CDH13: variants seen among roughly 807,000 people sequenced by gnomAD.
The protein encoded by CDH13 is cadherin-13.
CDH13 carries 24 observed loss-of-function variants against 63.8 expected under a neutral mutation model. The ratio of observed to expected loss-of-function variants is 0.38; its 90% confidence interval spans 0.27 to 0.53. The LOEUF is 0.53. CDH13 is among the 20% of genes least tolerant of loss of function. CDH13 has a pLI of 0.85. For missense variants in CDH13, 1,049 were observed against 903.1 expected, an observed-to-expected ratio of 1.16 and a Z score of -2.07; for synonymous variants, 503 against 355.3, an observed-to-expected ratio of 1.42 and a Z score of -4.67.
At chr16:83,478,089 G>C (rs2073654451) in intron 6 of CDH13, among the ~76,000 whole-genome samples, 1 of 151,706 alleles carries the variant, frequency 6.6e-6, no homozygotes, top group Non-Finnish European at 1.5e-5. Flanking sequence ...GAACCCAAGA[G>C]GCGGAGCTTG....
intron 4 of CDH13, among the ~76,000 whole-genome samples, chr16:83,181,464 C>G (rs1567484331): frequency 2.0e-5 from 3 of 152,228 alleles, no homozygotes; most frequent in African/African-American, 7.2e-5. Flanking sequence ...AAGTTGGAAG[C>G]TTCTCTAACC....
At chr16:83,051,355 A>G (rs991595909) in intron 3 of CDH13, among the ~76,000 whole-genome samples, 1 of 152,350 alleles carries the variant, frequency 6.6e-6, no homozygotes, top group Middle Eastern at 3.4e-3. Context: ...CAATAGGTTT[A>G]CAGGAATGAG....
At chr16:82,812,470 T>C (rs1481178761) in intron 1 of CDH13, among the ~76,000 whole-genome samples, 2 of 151,882 alleles carry the variant, frequency 1.3e-5, no homozygotes, top group Non-Finnish European at 2.9e-5. Flanking sequence ...GCCACAAAGA[T>C]AGGAGAAAAG....
chr16:83,144,052 G>A (rs1329258820), intron 4 of CDH13, among the ~76,000 whole-genome samples: 1 of 152,066 alleles, frequency 6.6e-6, no homozygotes, highest in Non-Finnish European at 1.5e-5. Flanking sequence ...ATGAGATAAG[G>A]CTAGTAACAC....
intron 5 of CDH13, among the ~76,000 whole-genome samples, chr16:83,309,734 A>G (rs980136344): frequency 2.0e-5 from 3 of 152,128 alleles, no homozygotes; most frequent in Non-Finnish European, 4.4e-5. Flanking sequence ...TACTCAGGGT[A>G]TGGAAGCACT....
At chr16:83,611,123 C>G (rs1353938466) in intron 8 of CDH13, among the ~76,000 whole-genome samples, 1 of 152,070 alleles carries the variant, frequency 6.6e-6, no homozygotes, top group Non-Finnish European at 1.5e-5. Flanking sequence ...AGTCTTTCAA[C>G]CATTTTTTAA....
chr16:83,121,520 G>A (rs1399851783), intron 3 of CDH13, among the ~76,000 whole-genome samples: 1 of 152,206 alleles, frequency 6.6e-6, no homozygotes, highest in South Asian at 2.1e-4. Context: ...GTAGTTTAGA[G>A]TAGTGATGGT....
chr16:83,303,361 T>C (rs2089795286), intron 5 of CDH13, among the ~76,000 whole-genome samples: 1 of 152,126 alleles, frequency 6.6e-6, no homozygotes, highest in Non-Finnish European at 1.5e-5. Flanking sequence ...CTTTCTTCAT[T>C]GGGGAATGAG....
At chr16:83,176,278 G>A (rs969358392) in intron 4 of CDH13, among the ~76,000 whole-genome samples, 2 of 152,020 alleles carry the variant, frequency 1.3e-5, no homozygotes, top group African/African-American at 4.8e-5. Flanking sequence ...TTGGGAGGCT[G>A]AGGCAGGCAG....
At chr16:83,432,473 G>T (rs1016261309) in intron 6 of CDH13, among the ~76,000 whole-genome samples, 2 of 152,158 alleles carry the variant, frequency 1.3e-5, no homozygotes, top group East Asian at 1.9e-4. Flanking sequence ...CTACTTCCAC[G>T]CTTGAGATGT....
chr16:83,141,382 A>G (rs1290602819), intron 4 of CDH13, among the ~76,000 whole-genome samples: 1 of 152,186 alleles, frequency 6.6e-6, no homozygotes, highest in Non-Finnish European at 1.5e-5. Flanking sequence ...GCCTCAGCAT[A>G]AGCTTGACAT....
chr16:83,146,319 T>A (rs575817759), intron 4 of CDH13, among the ~76,000 whole-genome samples: 31 of 152,206 alleles, frequency 2.0e-4, no homozygotes, highest in Non-Finnish European at 4.4e-4. Flanking sequence ...AGACATTATG[T>A]CTAGATAACT....
intron 6 of CDH13, among the ~76,000 whole-genome samples, chr16:83,456,464 C>G (rs187637769): frequency 6.6e-6 from 1 of 152,176 alleles, no homozygotes; most frequent in Non-Finnish European, 1.5e-5. Flanking sequence ...GACGTCATGA[C>G]AGTAGAATGC....
intron 1 of CDH13, among the ~76,000 whole-genome samples, chr16:82,774,632 T>G (rs1380693007): frequency 2.0e-5 from 3 of 152,250 alleles, no homozygotes; most frequent in Admixed American, 2.0e-4. Context: ...CATAACTTAA[T>G]TCTTACCATC....
chr16:83,454,801 G>A (rs964641819), intron 6 of CDH13, among the ~76,000 whole-genome samples: 6 of 152,048 alleles, frequency 3.9e-5, no homozygotes, highest in Non-Finnish European at 7.4e-5. Flanking sequence ...CCACCTCCCG[G>A]GTTCCAGCAA....
At chr16:83,627,049 A>C (rs1910371527) in intron 8 of CDH13, among the ~76,000 whole-genome samples, 1 of 151,994 alleles carries the variant, frequency 6.6e-6, no homozygotes. Flanking sequence ...TTGGGAGGCC[A>C]AGGCCGATGG....
At chr16:82,861,616 TGTTACTAATGGTCACCTCCACTCCTTTTA>T (rs2039949005) in intron 2 of CDH13, among the ~76,000 whole-genome samples, 1 of 152,230 alleles carries the variant, frequency 6.6e-6, no homozygotes, top group African/African-American at 2.4e-5. Context: ...CTACTTTAAC[TGTTACTAATGGTCACCTCCACTCCTTTTA>T]TTTCCCTAAT....
rs62040066 is a variant in CDH13 at position 83,417,945 on chromosome 16, C to G, written c.782-68532C>G. Among the ~76,000 whole-genome samples the G allele has an allele frequency of 8.9e-3, 1,348 of 152,186 alleles. 12 individuals are homozygous for G. The highest frequency in any genetic ancestry group is 0.014 in the Non-Finnish European group (937 of 67,990). ...TCCCCTCCCCAGCCTAGCATCCTCC[C>G]CACCCCCTTAACATGGAAAACTCCT... On this transcript the variant is annotated intron_variant, in intron 6 of 13. Coordinates refer to ENST00000567109, the MANE Select transcript of CDH13 (RefSeq NM_001257.5).
At chr16:83,624,974 C>G (rs1481950939) in intron 8 of CDH13, among the ~76,000 whole-genome samples, 1 of 152,156 alleles carries the variant, frequency 6.6e-6, no homozygotes, top group South Asian at 2.1e-4. Flanking sequence ...GCATGTCTTG[C>G]CGGTTCTGCA....
Sources: allele counts gnomAD v4.1 joint callset (sites outside exome capture counted in the v4.1 genomes callset), GRCh38; gene constraint gnomAD v4.1.1; transcripts MANE v1.5; gene names NCBI Gene and HGNC (gene_info 2026-07-23, HGNC 2026-07-21).